PRSS2: variants seen among roughly 807,000 people sequenced by gnomAD.
The protein encoded by PRSS2 is serine protease 2, also known as trypsin-2.
Under a neutral mutation model 19.2 loss-of-function variants are expected in PRSS2, and 19 were observed. The ratio of observed to expected loss-of-function variants is 0.99; its 90% confidence interval spans 0.69 to 1.45. The LOEUF (loss-of-function observed/expected upper bound fraction) is 1.45, where lower values mean the gene tolerates loss of function less well. Among genes scored for constraint, PRSS2 ranks in the 40% most tolerant of loss-of-function variants. The pLI, the probability that PRSS2 is intolerant of heterozygous loss-of-function variation, is 0.00. For missense variants in PRSS2, 288 were observed against 294.4 expected (o/e 0.98, Z 0.16); for synonymous variants, 107 against 117.5 (o/e 0.91, Z 0.58).
At chr7:142,773,833 C>A in intron 3 of PRSS2, 86 bp from the exon 4 acceptor site, 1 of 1,522,438 alleles carries the variant, frequency 6.6e-7, no homozygotes, top group Non-Finnish European at 9.1e-7. Flanking sequence ...GGGCAGTGTT[C>A]CTCTTCAATG....
intron 2 of PRSS2, 38 bp from the exon 3 acceptor site, chr7:142,773,228 T>C: frequency 6.2e-7 from 1 of 1,614,174 alleles, no homozygotes; most frequent in Non-Finnish European, 8.5e-7. Flanking sequence ...GCCCTGGCTG[T>C]GGGAGAAGGT....
chr7:142,771,400 C>T (rs1799874665), intron 1 of PRSS2, among the ~76,000 whole-genome samples: 3 of 152,246 alleles, frequency 2.0e-5, no homozygotes, highest in East Asian at 1.9e-4. Context: ...ATGCAAGACA[C>T]TCAACTCTAG....
rs1799961692 is a variant in PRSS2, at chr7:142,772,074, C to T, written c.66C>T (p.Asp22=). 6.2e-7 allele frequency: 1 copy of T among 1,613,724 alleles called. No homozygotes were observed. The highest frequency in any genetic ancestry group is 1.3e-5 in the African/African-American group (1 of 74,944). ...AAVAAPFDDD[D]KIVGGYICEE... ...TTGCTGCCCCCTTTGATGATGATGACAAGATCGTTGGGGGCTACATCTGTG... is the reference window on the plus strand; with the variant it reads ...TTGCTGCCCCCTTTGATGATGATGATAAGATCGTTGGGGGCTACATCTGTG... The change falls in exon 2 of 5, where the codon GAC becomes GAT. Residue 22 remains aspartate (D), a synonymous_variant. Coordinates refer to ENST00000539842, the MANE Select transcript of PRSS2 (RefSeq NM_002770.4).
chr7:142,771,948 G>A, intron 1 of PRSS2, 101 bp from the exon 2 acceptor site: 1 of 1,558,698 alleles, frequency 6.4e-7, no homozygotes, highest in Non-Finnish European at 8.8e-7. Flanking sequence ...GCCTCACTGA[G>A]CTTGTTAAGG....
In PRSS2 at chr7:142,772,041, C is replaced by T. The variant is rs779932651; in HGVS notation, c.41-8C>T. The T allele has an allele frequency of 6.2e-7, 1 of 1,613,906 alleles. No homozygotes were observed. The highest frequency in any genetic ancestry group is 8.5e-7 in the Non-Finnish European group (1 of 1,179,762). On this transcript the variant is annotated splice_region_variant and splice_polypyrimidine_tract_variant and intron_variant, in intron 1 of 4. Coordinates refer to ENST00000539842, the MANE Select transcript of PRSS2 (RefSeq NM_002770.4). ...GACTTGCCTTCTCCCTTCCCATCTC[C>T]ACTCCAGTTGCTGCCCCCTTTGATG...
At chr7:142,771,616 A>C (rs1415416399) in intron 1 of PRSS2, among the ~76,000 whole-genome samples, 1 of 152,006 alleles carries the variant, frequency 6.6e-6, no homozygotes, top group Non-Finnish European at 1.5e-5. Context: ...CTGAGGGGGA[A>C]ACTGGTCATG....
At chr7:142,774,131 A>G in intron 4 of PRSS2, 76 bp downstream of exon 4, 1 of 1,503,626 alleles carries the variant, frequency 6.7e-7, no homozygotes, top group Non-Finnish European at 9.3e-7. Flanking sequence ...TGAACTCCCA[A>G]GGTGGCGGGG....
At chr7:142,773,584 C>T (rs2117083663) in intron 3 of PRSS2, 65 bp downstream of exon 3, 2 of 1,471,682 alleles carry the variant, frequency 1.4e-6, no homozygotes, top group Non-Finnish European at 1.9e-6. Flanking sequence ...AACCATGCCC[C>T]TTAACTTAAA....
chr7:142,771,237 C>G (rs982540887), intron 1 of PRSS2, among the ~76,000 whole-genome samples: 1 of 151,812 alleles, frequency 6.6e-6, no homozygotes, highest in Non-Finnish European at 1.5e-5. Flanking sequence ...CATCCATATC[C>G]GAGCTGTGGT....
At chr7:142,773,707 C>G (rs1456174246) in intron 3 of PRSS2, among the ~76,000 whole-genome samples, 188 bp downstream of exon 3, 1 of 152,266 alleles carries the variant, frequency 6.6e-6, no homozygotes, top group African/African-American at 2.4e-5. Context: ...AATCAAAAGA[C>G]AGGACAAATG....
In PRSS2 at chr7:142,773,247, T is replaced by C. The variant is rs1554506523; in HGVS notation, c.201-19T>C. The C allele has an allele frequency of 1.2e-6, 2 of 1,614,226 alleles. No homozygotes were observed. Among genetic ancestry groups the C allele is most frequent in the South Asian group, 2.2e-5 (2 of 91,082 alleles). ...TGGCTGTGGGAGAAGGTCTTCACCA[T>C]GCCTGCCCTGCCCATCAGCCGCATC... On this transcript the variant is annotated intron_variant, in intron 2 of 4. Transcript: ENST00000539842.
At chr7:142,772,550 G>A (rs1461664249) in intron 2 of PRSS2, 1 of 680,422 alleles carries the variant, frequency 1.5e-6, no homozygotes, top group African/African-American at 1.8e-5. Flanking sequence ...TGATCCCTGT[G>A]TTCTATCCCA....
At chr7:142,773,881 C>A in intron 3 of PRSS2, 38 bp from the exon 4 acceptor site, 4 of 1,590,360 alleles carry the variant, frequency 2.5e-6, no homozygotes, top group Non-Finnish European at 3.5e-6. Flanking sequence ...CTGGCCTAAC[C>A]CACATTTCTT....
intron 2 of PRSS2, chr7:142,772,578 T>C: frequency 1.5e-6 from 1 of 680,870 alleles, no homozygotes; most frequent in South Asian, 1.6e-5. Context: ...TAACTCAAAA[T>C]TATCAGGAAG....
chr7:142,773,276 G>C lies in PRSS2; in HGVS notation c.211G>C (p.Val71Leu), dbSNP rs1247830062. 6.2e-7 allele frequency: 1 copy of C among 1,614,136 alleles called. No homozygotes were observed. Among genetic ancestry groups the C allele is most frequent in the Admixed American group, 1.7e-5 (1 of 60,006 alleles). ...TGCCCTGCCCATCAGCCGCATCCAG[G>C]TGAGACTGGGAGAGCACAACATCGA... ...AGHCYKSRIQ[V>L]RLGEHNIEVL... Residue 71 changes from valine to leucine, a missense_variant, in exon 3 of 5, where the codon GTG (valine) becomes CTG (leucine). Physicochemically the swap from Val to Leu is conservative, Grantham distance 32. Coordinates refer to ENST00000539842, the MANE Select transcript of PRSS2 (RefSeq NM_002770.4).
chr7:142,774,404 G>A lies in PRSS2; in HGVS notation c.640G>A (p.Val214Ile). 1 of 1,568,766 alleles carries A rather than the reference G, an allele frequency of 6.4e-7. No homozygotes were observed. The highest frequency in any genetic ancestry group is 8.8e-7 in the Non-Finnish European group (1 of 1,139,218). ...VVSNGELQGI[V>I]SWGYGCAQKN... ...CTCCAATGGAGAGCTCCAAGGAATT[G>A]TCTCCTGGGGCTATGGCTGTGCCCA... Residue 214 changes from valine (V) to isoleucine (I), a missense_variant, in exon 5 of 5, where the codon GTC becomes ATC. Val to Ile is a conservative substitution (Grantham distance 29). Transcript: ENST00000539842.
rs1800099862 is a variant in PRSS2 at position 142,773,160 on chromosome 7, G to T, written c.201-106G>T. 1.0e-5 allele frequency: 16 copies of T among 1,602,576 alleles called. No individual in the cohort carries two copies. The South Asian group carries it at 1.8e-4, about 18-fold the overall frequency. The stretch of plus-strand genomic sequence containing the variant: ...AATATGGCCACACACCCCACCCCAT[G>T]CCTCCAGAGCTGTCCATGAGCAGGG... On this transcript the variant is annotated intron_variant, in intron 2 of 4. Coordinates refer to ENST00000539842, the MANE Select transcript of PRSS2 (RefSeq NM_002770.4).
chr7:142,771,169 T>C, intron 1 of PRSS2, 147 bp downstream of exon 1: 1 of 480,734 alleles, frequency 2.1e-6, no homozygotes, highest in East Asian at 3.1e-5. Context: ...CTCCTTGGGC[T>C]CTTTTTAAGC....
rs1800114275 is a variant in PRSS2 at position 142,773,262 on chromosome 7, T to A, written c.201-4T>A. ...GTCTTCACCATGCCTGCCCTGCCCA[T>A]CAGCCGCATCCAGGTGAGACTGGGA... On this transcript the variant is annotated splice_region_variant and splice_polypyrimidine_tract_variant and intron_variant, in intron 2 of 4. Transcript: ENST00000539842. The A allele has an allele frequency of 6.2e-7, 1 of 1,614,100 alleles. No homozygotes were observed. Among genetic ancestry groups the A allele is most frequent in the African/African-American group, 1.3e-5 (1 of 74,944 alleles).
Sources: gnomAD v4.1 joint callset for allele counts (sites outside exome capture counted in the v4.1 genomes callset) on GRCh38, gnomAD v4.1.1 for gene constraint, MANE v1.5 for transcripts, NCBI Gene and HGNC (gene_info 2026-07-23, HGNC 2026-07-21) for gene names.